Variants in CDH13 observed in about 807,000 individuals in gnomAD.
CDH13 encodes the protein cadherin 13.
CDH13 carries 24 observed loss-of-function variants against 63.8 expected under a neutral mutation model. The ratio of observed to expected loss-of-function variants is 0.38; its 90% CI spans 0.27 to 0.53. The LOEUF (loss-of-function observed/expected upper bound fraction) is 0.53. Among genes scored for constraint, CDH13 ranks in the 20% least tolerant of loss-of-function variants. The pLI is 0.85. For missense variants in CDH13, 1,049 were observed against 903.1 expected (o/e 1.16, Z -2.07); for synonymous variants, 503 against 355.3 (o/e 1.42, Z -4.67).
chr16:82,996,220 G>A (rs1009666695), intron 2 of CDH13, among the ~76,000 whole-genome samples: 8 of 151,826 alleles, frequency 5.3e-5, no homozygotes, highest in African/African-American at 1.2e-4. Flanking sequence ...CTTTCCTGTT[G>A]TATATCGAAA....
At chr16:82,746,115 CATTTTATATACATAT>C (rs1411931586) in intron 1 of CDH13, among the ~76,000 whole-genome samples, 2 of 151,586 alleles carry the variant, frequency 1.3e-5, no homozygotes, top group Non-Finnish European at 2.9e-5. Context: ...TATATACATA[CATTTTATATACATAT>C]AAGCACACAT....
intron 7 of CDH13, among the ~76,000 whole-genome samples, chr16:83,596,248 C>T (rs894212993): frequency 1.3e-5 from 2 of 152,178 alleles, no homozygotes; most frequent in East Asian, 1.9e-4. Context: ...GGTTGCCTTC[C>T]TCATGGGCAG....
intron 2 of CDH13, among the ~76,000 whole-genome samples, chr16:82,964,868 A>G (rs1348919830): frequency 2.0e-5 from 3 of 152,164 alleles, no homozygotes; most frequent in Non-Finnish European, 4.4e-5. Flanking sequence ...TGGTTAGGAC[A>G]TGGTGGCACT....
chr16:83,020,280 G>A (rs1915224531), intron 2 of CDH13, among the ~76,000 whole-genome samples: 1 of 152,156 alleles, frequency 6.6e-6, no homozygotes, highest in Admixed American at 6.5e-5. Flanking sequence ...ATTTCTGGAA[G>A]ACCTCAGGGC....
chr16:83,074,032 A>G (rs1310375331), intron 3 of CDH13, among the ~76,000 whole-genome samples: 5 of 152,148 alleles, frequency 3.3e-5, no homozygotes, highest in Non-Finnish European at 7.3e-5. Flanking sequence ...TGAGATGTAC[A>G]ATACATTGGT....
intron 2 of CDH13, among the ~76,000 whole-genome samples, chr16:82,866,702 C>A (rs2040160119): frequency 1.3e-5 from 2 of 152,034 alleles, no homozygotes. Context: ...GTTCAGCATG[C>A]CTGGGGAGGC....
intron 5 of CDH13, among the ~76,000 whole-genome samples, chr16:83,219,973 C>A (rs1160798072): frequency 6.6e-6 from 1 of 152,208 alleles, no homozygotes; most frequent in African/African-American, 2.4e-5. Flanking sequence ...AACACCAGCA[C>A]AGGGTCATAT....
Position 82,667,301 on chromosome 16 carries a change from G to A in CDH13, c.45+40164G>A, listed in dbSNP as rs373328730. ...CAGAGAGTGAGAGTGAAGGAAGAGG[G>A]GATTGAGGCAGGTAAGGAGGGGAGG... On this transcript the variant is annotated intron_variant, in intron 1 of 13. Coordinates refer to ENST00000567109, the MANE Select transcript of CDH13 (RefSeq NM_001257.5). Among the ~76,000 whole-genome samples, 6 of 152,284 alleles carry A rather than the reference G, an allele frequency of 3.9e-5. No individual in the cohort carries two copies. The South Asian group carries it at 1.0e-3, about 26-fold the overall frequency.
At chr16:83,430,920 A>G (rs1439034896) in intron 6 of CDH13, among the ~76,000 whole-genome samples, 2 of 149,514 alleles carry the variant, frequency 1.3e-5, no homozygotes, top group East Asian at 4.0e-4. Context: ...GCACCCACTA[A>G]CTCGTCATCT....
intron 1 of CDH13, among the ~76,000 whole-genome samples, chr16:82,721,328 A>G (rs987005280): frequency 4.6e-5 from 7 of 152,176 alleles, no homozygotes; most frequent in African/African-American, 1.7e-4. Context: ...AGGAATACAG[A>G]TGAAGGAACA....
intron 5 of CDH13, among the ~76,000 whole-genome samples, chr16:83,319,845 T>A (rs2090183670): frequency 6.6e-6 from 1 of 152,182 alleles, no homozygotes; most frequent in Admixed American, 6.5e-5. Context: ...AGGGGATAAG[T>A]GAACAGCTCA....
In CDH13 at chr16:83,445,240, A is replaced by AAAGC. The variant is rs1567677341; in HGVS notation, c.782-41237_782-41236insAAGC. On this transcript the variant is annotated intron_variant, in intron 6 of 13. Transcript: ENST00000567109. ...GAAACTGAGGCTGCGAGAGTTTATA[A>AAAGC]TTTATAAAAGCTTTTATAATTTATA... is the stretch of plus-strand genomic sequence containing the variant. 4.3e-3 allele frequency among the ~76,000 whole-genome samples: 241 copies of AAAGC among 56,494 alleles called. 20 individuals are homozygous for AAAGC. Among genetic ancestry groups the AAAGC allele is most frequent in the African/African-American group, 6.1e-3 (109 of 17,912 alleles). 37.1% of individuals were successfully genotyped at this position (56,494 alleles called of 152,430 possible).
At chr16:83,793,493 T>C (rs1234273923) in intron 13 of CDH13, among the ~76,000 whole-genome samples, 1 of 152,102 alleles carries the variant, frequency 6.6e-6, no homozygotes, top group Non-Finnish European at 1.5e-5. Flanking sequence ...TCTCTTTCTG[T>C]GAAGTTTTCT....
intron 8 of CDH13, among the ~76,000 whole-genome samples, chr16:83,608,404 C>A (rs974841081): frequency 7.2e-5 from 11 of 152,176 alleles, no homozygotes; most frequent in African/African-American, 2.4e-4. Context: ...GGAGTCCAGG[C>A]TCCAATTTCT....
chr16:83,341,238 C>A (rs1239910378), intron 5 of CDH13, among the ~76,000 whole-genome samples: 2 of 152,236 alleles, frequency 1.3e-5, no homozygotes, highest in South Asian at 2.1e-4. Flanking sequence ...GTTTTGTGTG[C>A]TTTGGGTATT....
intron 1 of CDH13, among the ~76,000 whole-genome samples, chr16:82,782,196 G>A (rs1171404888): frequency 2.0e-5 from 3 of 152,290 alleles, no homozygotes; most frequent in South Asian, 2.1e-4. Context: ...TGAAGTAGGG[G>A]CTCAGAAAGC....
intron 1 of CDH13, among the ~76,000 whole-genome samples, chr16:82,705,760 G>C (rs898556049): frequency 3.9e-5 from 6 of 152,142 alleles, no homozygotes; most frequent in African/African-American, 1.4e-4. Flanking sequence ...GTCAGCCTTA[G>C]ACAATTCTGG....
At chr16:83,021,550 G>A (rs147023706) in intron 2 of CDH13, among the ~76,000 whole-genome samples, 37 of 152,342 alleles carry the variant, frequency 2.4e-4, no homozygotes, top group African/African-American at 8.7e-4. Context: ...CCAAGAGGAA[G>A]CCCTTAAGGG....
chr16:83,057,349 G>C (rs375652601), intron 3 of CDH13, among the ~76,000 whole-genome samples: 1 of 152,082 alleles, frequency 6.6e-6, no homozygotes, highest in Non-Finnish European at 1.5e-5. Context: ...AGGGGCCTGA[G>C]GGAGGTTTCT....
Sources: allele counts gnomAD v4.1 joint callset (sites outside exome capture counted in the v4.1 genomes callset), GRCh38; gene constraint gnomAD v4.1.1; transcripts MANE v1.5; gene names NCBI Gene and HGNC (gene_info 2026-07-23, HGNC 2026-07-21).